The following SSPN variants were observed in gnomAD, a reference collection of about 807,000 sequenced individuals.
SSPN encodes the protein sarcospan.
In SSPN, 15 loss-of-function variants were observed where a neutral mutation model predicts 19.1. That is an observed-to-expected ratio of 0.78 (90% confidence interval 0.52 to 1.21). The LOEUF (loss-of-function observed/expected upper bound fraction) is 1.21. Ranked by LOEUF, SSPN falls within the 50% of genes most tolerant of loss-of-function variation. The pLI, the probability that SSPN is intolerant of heterozygous loss-of-function variation, is 0.00. For missense variants in SSPN, 291 were observed against 314.0 expected (o/e 0.93, Z 0.55); for synonymous variants, 147 against 140.3 (o/e 1.05, Z -0.34).
rs767832276 is a variant in SSPN at position 26,230,789 on chromosome 12, C to T, written c.445C>T (p.Gln149Ter). ...AVAFAAHHYS[Q>*]LTQFTCETTL... The stretch of plus-strand genomic sequence containing the variant: ...GGCCTTTGCCGCCCACCACTATTCG[C>T]AGCTCACACAGTTTACCTGTGAGAC... Residue 149 changes from glutamine (Q) to a stop codon, truncating the protein, a stop_gained, in exon 3 of 3, where the codon CAG (glutamine) becomes TAG (stop). Transcript: ENST00000242729. LOFTEE classifies it high-confidence loss of function. The T allele has an allele frequency of 6.2e-7, 1 of 1,614,234 alleles. No individual in the cohort carries two copies. Among genetic ancestry groups the T allele is most frequent in the Non-Finnish European group, 8.5e-7 (1 of 1,180,042 alleles).
chr12:26,181,248 T>C (rs1170300826), intron 1 of SSPN: 1 of 152,254 alleles, frequency 6.6e-6, no homozygotes, highest in Non-Finnish European at 1.5e-5. Flanking sequence ...GAAGCTGTTC[T>C]GAATAAAGTT....
chr12:26,135,441 G>T (rs566310544), intron 1 of SSPN, among the ~76,000 whole-genome samples: 1 of 152,188 alleles, frequency 6.6e-6, no homozygotes. Context: ...GAGGCAAGGA[G>T]CAAAGGGTCA....
intron 1 of SSPN, among the ~76,000 whole-genome samples, chr12:26,189,471 T>G (rs1944774722): frequency 6.6e-6 from 1 of 152,192 alleles, no homozygotes; most frequent in African/African-American, 2.4e-5. Context: ...CCTCAGCCTA[T>G]GAAGGACTTT....
upstream of SSPN, among the ~76,000 whole-genome samples, chr12:26,192,821 A>T (rs1405926222): frequency 1.3e-5 from 2 of 152,240 alleles, no homozygotes; most frequent in African/African-American, 4.8e-5. Context: ...AGCTTTTTTA[A>T]AAAGTATATA....
chr12:26,202,667 G>A (rs1251948218), intron 1 of SSPN, among the ~76,000 whole-genome samples: 2 of 152,144 alleles, frequency 1.3e-5, no homozygotes, highest in Non-Finnish European at 2.9e-5. Flanking sequence ...GAAAATGGGT[G>A]TTTTCTAGAT....
intron 1 of SSPN, among the ~76,000 whole-genome samples, chr12:26,143,468 T>C (rs894485134): frequency 6.6e-6 from 1 of 152,156 alleles, no homozygotes; most frequent in African/African-American, 2.4e-5. Context: ...TTGCGCAAGA[T>C]TACACAGTCA....
At chr12:26,162,242 G>A (rs1026719950) in intron 1 of SSPN, among the ~76,000 whole-genome samples, 1 of 152,006 alleles carries the variant, frequency 6.6e-6, no homozygotes, top group African/African-American at 2.4e-5. Flanking sequence ...GTTTTAACTT[G>A]AGAAAAATTA....
chr12:26,189,830 T>A (rs1944776821), intron 1 of SSPN, among the ~76,000 whole-genome samples: 1 of 152,220 alleles, frequency 6.6e-6, no homozygotes, highest in African/African-American at 2.4e-5. Context: ...TATATTTACT[T>A]CATGTGATTT....
At chr12:26,157,635 A>G (rs1056854556) in intron 1 of SSPN, among the ~76,000 whole-genome samples, 6 of 152,242 alleles carry the variant, frequency 3.9e-5, no homozygotes, top group African/African-American at 1.4e-4. Flanking sequence ...TGAAAACACT[A>G]GAAATAATGG....
At chr12:26,184,756 GA>G (rs1944741454) in intron 1 of SSPN, among the ~76,000 whole-genome samples, 1 of 151,944 alleles carries the variant, frequency 6.6e-6, no homozygotes, top group Non-Finnish European at 1.5e-5. Context: ...TAAATAAAGT[GA>G]AAAAAACTTC....
chr12:26,186,996 C>T (rs1348337123), intron 1 of SSPN, among the ~76,000 whole-genome samples: 1 of 152,188 alleles, frequency 6.6e-6, no homozygotes, highest in Admixed American at 6.5e-5. Context: ...CGTACATTGG[C>T]CTTATTCTCT....
chr12:26,212,646 TG>T (rs1305691170), intron 1 of SSPN, among the ~76,000 whole-genome samples: 4 of 149,452 alleles, frequency 2.7e-5, no homozygotes, highest in Admixed American at 1.3e-4. Context: ...TTTACTCTAA[TG>T]AAAAAAAAAA....
chr12:26,228,150 C>G (rs560272851), intron 2 of SSPN, among the ~76,000 whole-genome samples: 1 of 152,098 alleles, frequency 6.6e-6, no homozygotes, highest in South Asian at 2.1e-4. Context: ...AATCTCAGCA[C>G]TTTGGGAGGC....
intron 1 of SSPN, among the ~76,000 whole-genome samples, chr12:26,150,531 A>G (rs1944519404): frequency 8.1e-6 from 1 of 123,236 alleles, no homozygotes; most frequent in African/African-American, 2.9e-5. Flanking sequence ...AAAAGAGCTC[A>G]TTTACAAGTA....
chr12:26,155,409 A>G (rs1171539776), intron 1 of SSPN, among the ~76,000 whole-genome samples: 1 of 152,200 alleles, frequency 6.6e-6, no homozygotes, highest in Non-Finnish European at 1.5e-5. Flanking sequence ...ACAGAGGAAA[A>G]GAGCGAAAGA....
At position 26,234,199 on chromosome 12, in the gene SSPN, A is replaced by G. The variant is rs1051558668; in HGVS notation, c.*3123A>G. 7.9e-5 allele frequency: 12 copies of G among 152,204 alleles called. No homozygotes were observed. The highest frequency in any genetic ancestry group is 2.7e-4 in the African/African-American group (11 of 41,446). 9.4% of individuals were successfully genotyped at this position (152,204 alleles called of 1,614,324 possible). On this transcript the variant is annotated 3_prime_UTR_variant, in exon 3 of 3. Transcript: ENST00000242729. ...TTTTTGCATGCAGTATGTCTGGAAT[A>G]TGTTTATAAAATTTTAGCAAGGGGT... is the stretch of plus-strand genomic sequence containing the variant.
intron 1 of SSPN, among the ~76,000 whole-genome samples, chr12:26,186,773 A>G (rs1295432251): frequency 6.6e-6 from 1 of 152,222 alleles, no homozygotes; most frequent in Non-Finnish European, 1.5e-5. Context: ...TTATGTATTA[A>G]CCATTCAACA....
chr12:26,232,324 CTG>C lies in SSPN; in HGVS notation c.*1251_*1252del. ...TTTTAGTTGTTTTGTTTTTAAGTGA[CTG>C]TGGTTTAAAGCACAAATGCCCCAAG... On this transcript the variant is annotated 3_prime_UTR_variant, in exon 3 of 3. Transcript: ENST00000242729. 5 of 985,358 alleles carry C rather than the reference CTG, an allele frequency of 5.1e-6. No homozygotes were observed. The highest frequency in any genetic ancestry group is 6.0e-6 in the Non-Finnish European group (5 of 829,908). 61.0% of individuals were successfully genotyped at this position (985,358 alleles called of 1,614,324 possible).
chr12:26,196,067 C>T, intron 1 of SSPN, 116 bp downstream of exon 1: 1 of 904,492 alleles, frequency 1.1e-6, no homozygotes, highest in Non-Finnish European at 1.5e-6. Context: ...ACTCTTCTAA[C>T]TCGCGCTCTG....
Sources: gnomAD v4.1 joint callset for allele counts (sites outside exome capture counted in the v4.1 genomes callset) on GRCh38, gnomAD v4.1.1 for gene constraint, MANE v1.5 for transcripts, NCBI Gene and HGNC (gene_info 2026-07-23, HGNC 2026-07-21) for gene names.